The following ETV6 variants were observed in gnomAD, a reference collection of about 807,000 sequenced individuals.
ETV6 encodes transcription factor ETV6.
ETV6 carries 16 observed loss-of-function variants against 51.1 expected under a neutral mutation model. That is an observed-to-expected ratio of 0.31 (90% CI 0.21 to 0.48). The LOEUF is 0.48. Ranked by LOEUF, ETV6 falls within the 20% of genes least tolerant of loss-of-function variation. The pLI is 0.99. For synonymous variants in ETV6, 240 were observed against 224.1 expected, an observed-to-expected ratio of 1.07 and a Z score of -0.64; for missense variants, 458 against 594.8, an observed-to-expected ratio of 0.77 and a Z score of 2.39.
chr12:11,872,242 C>T (rs1946890712), intron 5 of ETV6, among the ~76,000 whole-genome samples: 1 of 152,192 alleles, frequency 6.6e-6, no homozygotes, highest in Non-Finnish European at 1.5e-5. Context: ...AGATAGGGGC[C>T]CCATGACCGA....
intron 2 of ETV6, among the ~76,000 whole-genome samples, chr12:11,782,005 G>A (rs1353148427): frequency 6.6e-6 from 1 of 152,058 alleles, no homozygotes; most frequent in Non-Finnish European, 1.5e-5. Flanking sequence ...ATGTTTTCTG[G>A]CAAATAAATC....
At chr12:11,740,429 T>G (rs576120136) in intron 1 of ETV6, among the ~76,000 whole-genome samples, 1 of 152,214 alleles carries the variant, frequency 6.6e-6, no homozygotes, top group African/African-American at 2.4e-5. Flanking sequence ...CTAGTAAGAC[T>G]TGATGCTGTA....
At position 11,730,259 on chromosome 12, in the gene ETV6, T is replaced by A. The variant is rs1865568404; in HGVS notation, c.34-22191T>A. Among the ~76,000 whole-genome samples the A allele has an allele frequency of 2.6e-5, 4 of 152,360 alleles. No homozygotes were observed. The South Asian group carries it at 6.2e-4, about 24-fold the overall frequency. ...ACGGTCTAGGCAGCCTTTGTAGGCCTCTGGGATTGTGGTGAGAAAACCTTA... is the reference window on the plus strand; with the variant it reads ...ACGGTCTAGGCAGCCTTTGTAGGCCACTGGGATTGTGGTGAGAAAACCTTA... On this transcript the variant is annotated intron_variant, in intron 1 of 7. Transcript: ENST00000396373.
chr12:11,788,670 G>T (rs1443307815), intron 2 of ETV6, among the ~76,000 whole-genome samples: 4 of 150,936 alleles, frequency 2.7e-5, no homozygotes, highest in African/African-American at 4.9e-5. Context: ...TTGATTTCCT[G>T]CTCACCAGGG....
chr12:11,813,596 T>TC (rs752099840), intron 2 of ETV6, among the ~76,000 whole-genome samples: 55 of 126,584 alleles, frequency 4.3e-4, no homozygotes, highest in Non-Finnish European at 7.7e-4. Context: ...CCTCCCTCCC[T>TC]CCCTCTTTCC....
intron 2 of ETV6, among the ~76,000 whole-genome samples, chr12:11,824,737 A>G (rs1298099371): frequency 6.6e-6 from 1 of 152,118 alleles, no homozygotes; most frequent in African/African-American, 2.4e-5. Flanking sequence ...GCGCTAATGC[A>G]CTCCAGCCTG....
rs1947337801 is a variant in ETV6, at chr12:11,893,794, T to TTTTATA, written c.*2749_*2750insTTATAT. ...GTGTCCATCCCCAAGATCTCTCATTTTATATATATATATATATATATATAT... is the reference window on the plus strand; with the variant it reads ...GTGTCCATCCCCAAGATCTCTCATTTTTTATATATATATATATATATATATATATAT... On this transcript the variant is annotated 3_prime_UTR_variant, in exon 8 of 8. Coordinates refer to ENST00000396373, the MANE Select transcript of ETV6 (RefSeq NM_001987.5). The TTTTATA allele has an allele frequency of 5.1e-5, 4 of 78,902 alleles. No homozygotes were observed. In the South Asian group the frequency reaches 1.5e-3, roughly 29 times the overall value. 4.9% of individuals were successfully genotyped at this position (78,902 alleles called of 1,614,324 possible). A position where few individuals can be genotyped will look rare whatever the true frequency, so the allele number is the denominator to read the frequency against.
chr12:11,820,863 C>G (rs1446317703), intron 2 of ETV6, among the ~76,000 whole-genome samples: 1 of 152,126 alleles, frequency 6.6e-6, no homozygotes, highest in Non-Finnish European at 1.5e-5. Context: ...GAATCAATCT[C>G]TGGCAGGTCT....
intron 1 of ETV6, among the ~76,000 whole-genome samples, chr12:11,711,258 C>T (rs553335405): frequency 4.6e-5 from 7 of 152,278 alleles, no homozygotes; most frequent in African/African-American, 1.7e-4. Context: ...CAAACTCAAC[C>T]CGTTATTTTT....
At chr12:11,711,335 T>C (rs141652381) in intron 1 of ETV6, among the ~76,000 whole-genome samples, 1 of 152,360 alleles carries the variant, frequency 6.6e-6, no homozygotes, top group East Asian at 1.9e-4. Flanking sequence ...TGTTTAGTAA[T>C]GGCAGTACAT....
At chr12:11,753,234 G>A (rs1003610544) in intron 2 of ETV6, among the ~76,000 whole-genome samples, 46 of 151,926 alleles carry the variant, frequency 3.0e-4, no homozygotes, top group East Asian at 1.9e-4. Flanking sequence ...CCACTTCCCC[G>A]TCTCAGTCCT....
chr12:11,654,718 T>C (rs1172910230), intron 1 of ETV6, among the ~76,000 whole-genome samples: 1 of 152,070 alleles, frequency 6.6e-6, no homozygotes, highest in Non-Finnish European at 1.5e-5. Flanking sequence ...CATCAATATA[T>C]GTATATATAT....
chr12:11,807,710 A>G (rs1176889270), intron 2 of ETV6, among the ~76,000 whole-genome samples: 1 of 152,226 alleles, frequency 6.6e-6, no homozygotes, highest in East Asian at 1.9e-4. Flanking sequence ...AAGTGGTTAT[A>G]TGTAAATGAA....
intron 2 of ETV6, among the ~76,000 whole-genome samples, chr12:11,787,023 C>T (rs1423182983): frequency 3.9e-5 from 6 of 152,122 alleles, no homozygotes; most frequent in Non-Finnish European, 8.8e-5. Context: ...TCCAATTATG[C>T]CCCCTAAACC....
intron 2 of ETV6, chr12:11,752,808 TA>T (rs368540572): frequency 0.01 from 3,863 of 370,004 alleles, no homozygotes; most frequent in East Asian, 0.014. Context: ...TATGACATGT[TA>T]AAAAAAAAAG....
intron 1 of ETV6, among the ~76,000 whole-genome samples, chr12:11,738,306 G>GCT (rs1356870842): frequency 4.2e-4 from 15 of 35,310 alleles, no homozygotes; most frequent in Middle Eastern, 0.022. Context: ...GTTTGTTTTT[G>GCT]CTTTTTTTTT....
chr12:11,697,305 A>G lies in ETV6; in HGVS notation c.33+47145A>G, dbSNP rs574531723. On this transcript the variant is annotated intron_variant, in intron 1 of 7. Transcript: ENST00000396373. ...CCTCCATTCGTGGTTGTAACTTCAC[A>G]GAAATGCTTCCCAGTCAGAGGAGGT... Among the ~76,000 whole-genome samples, 5 of 152,322 alleles carry G rather than the reference A, an allele frequency of 3.3e-5. No homozygotes were observed. The South Asian group carries it at 1.0e-3, about 32-fold the overall frequency.
Position 11,649,777 on chromosome 12 carries a change from G to T in ETV6, c.-351G>T, listed in dbSNP as rs1456211288. The stretch of plus-strand genomic sequence containing the variant: ...CAGGAAGGAAAACATTCGAGAGAGC[G>T]AGGGAGAGCCGCGGGAGGGCGGGGG... On this transcript the variant is annotated 5_prime_UTR_variant, in exon 1 of 8. Coordinates refer to ENST00000396373, the MANE Select transcript of ETV6 (RefSeq NM_001987.5). 1.4e-5 allele frequency: 2 copies of T among 146,608 alleles called. No individual in the cohort carries two copies. Among genetic ancestry groups the T allele is most frequent in the Admixed American group, 6.7e-5 (1 of 14,890 alleles). The allele number at this position is 146,608 out of a possible 1,614,324, so 9.1% of individuals were successfully genotyped here.
At chr12:11,702,165 G>T (rs934812258) in intron 1 of ETV6, among the ~76,000 whole-genome samples, 2 of 152,132 alleles carry the variant, frequency 1.3e-5, no homozygotes, top group Non-Finnish European at 2.9e-5. Flanking sequence ...GAGCGTGGTT[G>T]CAGCATTTTA....
Sources: gnomAD v4.1 joint callset for allele counts (sites outside exome capture counted in the v4.1 genomes callset) on GRCh38, gnomAD v4.1.1 for gene constraint, MANE v1.5 for transcripts, NCBI Gene and HGNC (gene_info 2026-07-23, HGNC 2026-07-21) for gene names.